Variants in STAU2 observed in about 807,000 individuals in gnomAD.
The protein encoded by STAU2 is staufen double-stranded RNA binding protein 2, also known as double-stranded RNA-binding protein Staufen homolog 2.
A neutral mutation model predicts 65.9 loss-of-function variants in STAU2; 20 were observed. The ratio of observed to expected loss-of-function variants is 0.30; its 90% CI spans 0.21 to 0.44. STAU2 has a LOEUF of 0.44. STAU2 is among the 20% of genes least tolerant of loss of function. STAU2 has a pLI of 1.00. For missense variants in STAU2, 558 were observed against 683.9 expected, an observed-to-expected ratio of 0.82 and a Z score of 2.05; for synonymous variants, 232 against 233.9, an observed-to-expected ratio of 0.99 and a Z score of 0.07.
At chr8:73,668,411 A>T (rs1024302668) in intron 6 of STAU2, among the ~76,000 whole-genome samples, 12 of 152,298 alleles carry the variant, frequency 7.9e-5, no homozygotes, top group African/African-American at 2.9e-4. Flanking sequence ...ATGGAAATCT[A>T]CACCAGCAGA....
At chr8:73,509,895 C>T (rs1036871085) in intron 13 of STAU2, among the ~76,000 whole-genome samples, 2 of 151,888 alleles carry the variant, frequency 1.3e-5, no homozygotes, top group Admixed American at 6.6e-5. Flanking sequence ...ATAATTTGAC[C>T]TGGAATTTTT....
intron 13 of STAU2, among the ~76,000 whole-genome samples, chr8:73,442,143 A>G (rs571824291): frequency 1.3e-5 from 2 of 152,242 alleles, no homozygotes; most frequent in Non-Finnish European, 2.9e-5. Flanking sequence ...TCACGAGGTC[A>G]GGAGATCGAG....
intron 3 of STAU2, among the ~76,000 whole-genome samples, chr8:73,725,981 C>T (rs1805591215): frequency 6.7e-6 from 1 of 150,374 alleles, no homozygotes. Flanking sequence ...CAATTTTCAG[C>T]TATTTGATTA....
chr8:73,444,314 G>C (rs1437543959), intron 13 of STAU2, among the ~76,000 whole-genome samples: 1 of 151,770 alleles, frequency 6.6e-6, no homozygotes, highest in South Asian at 2.1e-4. Context: ...GTGGAGGCAG[G>C]AGAATCGCTT....
At chr8:73,570,792 T>A (rs947959481) in intron 12 of STAU2, among the ~76,000 whole-genome samples, 2 of 152,166 alleles carry the variant, frequency 1.3e-5, no homozygotes, top group African/African-American at 2.4e-5. Flanking sequence ...TGGGGGCCAA[T>A]ATTCACCATT....
At chr8:73,714,182 C>T (rs923791996) in intron 3 of STAU2, among the ~76,000 whole-genome samples, 9 of 152,178 alleles carry the variant, frequency 5.9e-5, no homozygotes, top group East Asian at 1.9e-4. Context: ...GGATTACAGG[C>T]GTGAGCCACC....
chr8:73,648,652 T>A, intron 6 of STAU2, among the ~76,000 whole-genome samples: 1 of 152,192 alleles, frequency 6.6e-6, no homozygotes, highest in South Asian at 2.1e-4. Flanking sequence ...GTGATAAGTA[T>A]ACAAAAAATA....
chr8:73,459,569 A>G (rs559131544), intron 13 of STAU2, among the ~76,000 whole-genome samples: 10 of 151,908 alleles, frequency 6.6e-5, no homozygotes, highest in Non-Finnish European at 1.5e-4. Context: ...CTCCTGTGTG[A>G]AGTCGCCTCT....
At chr8:73,664,546 T>C (rs777900282) in intron 6 of STAU2, among the ~76,000 whole-genome samples, 2 of 152,254 alleles carry the variant, frequency 1.3e-5, no homozygotes, top group Non-Finnish European at 2.9e-5. Flanking sequence ...CCTAATGAGA[T>C]ACTGATATGG....
rs1316190230 is a variant in STAU2, at chr8:73,512,640, G to GGT, written c.1530+39370_1530+39371dup. Among the ~76,000 whole-genome samples the GGT allele has an allele frequency of 8.6e-5, 13 of 151,352 alleles. No homozygotes were observed. The East Asian group carries it at 1.6e-3, about 18-fold the overall frequency. On this transcript the variant is annotated intron_variant, in intron 13 of 14. Transcript: ENST00000524300. ...TGAACTTGTTTATCAGTTCTAATAG[G>GGT]GTGTGTGTGTGTATGTGTGTGGGGG... is the stretch of plus-strand genomic sequence containing the variant.
At chr8:73,673,274 A>G in intron 5 of STAU2, 32 bp from the exon 6 acceptor site, 1 of 1,505,558 alleles carries the variant, frequency 6.6e-7, no homozygotes, top group South Asian at 1.4e-5. Context: ...AAGGCACACA[A>G]GTGAAATATC....
upstream of STAU2, chr8:73,746,846 C>T (rs920127819): frequency 2.4e-4 from 293 of 1,222,568 alleles, 1 homozygote; most frequent in African/African-American, 4.1e-3. Context: ...GAACTGACCC[C>T]GCTCGGCCGC....
chr8:73,710,712 T>A (rs1820833738), intron 3 of STAU2, among the ~76,000 whole-genome samples: 1 of 151,928 alleles, frequency 6.6e-6, no homozygotes. Context: ...ATTTAATTAC[T>A]TTTTTCTTTC....
intron 5 of STAU2, 40 bp from the exon 6 acceptor site, chr8:73,673,282 A>G: frequency 6.7e-7 from 1 of 1,487,132 alleles, no homozygotes; most frequent in Non-Finnish European, 9.0e-7. Flanking sequence ...CAAGTGAAAT[A>G]TCTTCACAAT....
intron 13 of STAU2, among the ~76,000 whole-genome samples, chr8:73,462,751 C>G (rs1449083997): frequency 7.9e-5 from 12 of 151,938 alleles, no homozygotes; most frequent in Non-Finnish European, 1.6e-4. Flanking sequence ...ATTCCTGCTG[C>G]ATCTATGCAC....
rs3780015 is a variant in STAU2, at chr8:73,673,090, A to G, written c.410+17T>C. On this transcript the variant is annotated intron_variant, in intron 6 of 14. Transcript: ENST00000524300. ...TAAAATAATAATTAAGAACAAAACC[A>G]AAAAAGACATACAAACCTCTGATTG... The G allele has an allele frequency of 0.16, 249,827 of 1,533,256 alleles. 22,537 individuals are homozygous for G. Among genetic ancestry groups the G allele is most frequent in the East Asian group, 0.36 (15,649 of 43,612 alleles). 95.0% of individuals were successfully genotyped at this position (1,533,256 alleles called of 1,614,324 possible).
intron 3 of STAU2, among the ~76,000 whole-genome samples, chr8:73,717,851 T>C (rs1416159912): frequency 6.6e-6 from 1 of 152,236 alleles, no homozygotes; most frequent in Non-Finnish European, 1.5e-5. Context: ...TTTTTCACAG[T>C]TGTTTAAAGT....
intron 14 of STAU2, 78 bp downstream of exon 14, chr8:73,422,536 A>C: frequency 8.6e-7 from 1 of 1,160,816 alleles, no homozygotes; most frequent in Non-Finnish European, 1.2e-6. Flanking sequence ...TCGACTTTTT[A>C]AAACATTATT....
chr8:73,737,124 C>T (rs531004835), intron 3 of STAU2, among the ~76,000 whole-genome samples: 4 of 152,026 alleles, frequency 2.6e-5, no homozygotes, highest in African/African-American at 9.6e-5. Flanking sequence ...GCCTTCGTCT[C>T]CCAAAGTGCT....
Sources: gnomAD v4.1 joint callset for allele counts (sites outside exome capture counted in the v4.1 genomes callset) on GRCh38, gnomAD v4.1.1 for gene constraint, MANE v1.5 for transcripts, NCBI Gene and HGNC (gene_info 2026-07-23, HGNC 2026-07-21) for gene names.